CPLANE1: variants seen among roughly 807,000 people sequenced by gnomAD.
CPLANE1 encodes the protein ciliogenesis and planar polarity effector complex subunit 1.
CPLANE1 carries 263 observed loss-of-function variants against 362.5 expected under a neutral mutation model. The observed-to-expected ratio is 0.73, with a 90% confidence interval of 0.66 to 0.80. The LOEUF is 0.80. Ranked by LOEUF, CPLANE1 falls within the 30% of genes least tolerant of loss-of-function variation. The pLI is 0.00. For synonymous variants in CPLANE1, 1,212 were observed against 1,302.6 expected, an observed-to-expected ratio of 0.93 and a Z score of 1.50; for missense variants, 3,461 against 3,793.4, an observed-to-expected ratio of 0.91 and a Z score of 2.30.
At position 37,169,512 on chromosome 5, in the gene CPLANE1, C is replaced by T. The variant is rs377742483; in HGVS notation, c.6512G>A (p.Arg2171Gln). Reference protein sequence around the residue: ...IPLCQLNGQPRKKGPIPSSQN... With the variant: ...IPLCQLNGQPQKKGPIPSSQN... ...AGATGATGGAATTGGTCCTTTTTTCCGGGGCTGGCCATTTAATTGACATAA... is the reference window on the plus strand; with the variant it reads ...AGATGATGGAATTGGTCCTTTTTTCTGGGGCTGGCCATTTAATTGACATAA... Residue 2171 changes from arginine (R) to glutamine (Q), a missense_variant, in exon 34 of 53, where the codon CGG becomes CAG. Arg to Gln is a conservative substitution (Grantham distance 43, BLOSUM62 1). Transcript: ENST00000651892. 8.7e-5 allele frequency: 140 copies of T among 1,613,442 alleles called. No individual in the cohort carries two copies. The East Asian group carries it at 2.3e-3, about 27-fold the overall frequency.
Position 37,170,146 on chromosome 5 carries a change from A to C in CPLANE1, c.6357T>G (p.Ile2119Met). The change falls in exon 33 of 53, where the codon ATT becomes ATG. Residue 2119 changes from isoleucine (I) to methionine (M), a missense_variant. Around this residue, in one of 2 missense-constraint regions of CPLANE1, gnomAD observed 3,380 missense variants for 3,666.1 expected, o/e 0.92. Transcript: ENST00000651892. Reference protein sequence around the residue: ...SNKNLKERFFIKPQSMGENAR... With the variant: ...SNKNLKERFFMKPQSMGENAR... ...CGTTCTCTCCCATTGACTGTGGTTTAATAAAAAATCTCTCCTTAAGATTTT... is the reference window on the plus strand; with the variant it reads ...CGTTCTCTCCCATTGACTGTGGTTTCATAAAAAATCTCTCCTTAAGATTTT... 1 of 1,614,136 alleles carries C rather than the reference A, an allele frequency of 6.2e-7. No homozygotes were observed. Among genetic ancestry groups the C allele is most frequent in the Non-Finnish European group, 8.5e-7 (1 of 1,180,022 alleles).
chr5:37,223,407 TG>T (rs1795772615), intron 14 of CPLANE1, among the ~76,000 whole-genome samples: 1 of 152,262 alleles, frequency 6.6e-6, no homozygotes, highest in Non-Finnish European at 1.5e-5. Flanking sequence ...AAGGTAAAGT[TG>T]TTTATTTCAG....
rs1554114025 is a variant in CPLANE1, at chr5:37,239,845, C to T, written c.702G>A (p.Trp234Ter). 1 of 1,517,898 alleles carries T rather than the reference C, an allele frequency of 6.6e-7. No individual in the cohort carries two copies. The highest frequency in any genetic ancestry group is 8.9e-7 in the Non-Finnish European group (1 of 1,127,302). The allele number at this position is 1,517,898 out of a possible 1,614,324, so 94.0% of individuals were successfully genotyped here. A position where few individuals can be genotyped will look rare whatever the true frequency, so the allele number is the denominator to read the frequency against. The change falls in exon 7 of 53, where the codon TGG becomes TGA. Residue 234 changes from tryptophan (W) to a stop codon, truncating the protein, a stop_gained. Coordinates refer to ENST00000651892, the MANE Select transcript of CPLANE1 (RefSeq NM_001384732.1). LOFTEE classifies it high-confidence loss of function. ...TACAGAGATGACAGTCTTGTTGAGC[C>T]CAATGAACATGGTATGGCAATGATC... Reference protein sequence around the residue: ...SVRSLPYHVHWAQQDCHLCSL... With the variant: ...SVRSLPYHVH
At chr5:37,190,528 C>T (rs1015081857) in intron 21 of CPLANE1, among the ~76,000 whole-genome samples, 2 of 151,638 alleles carry the variant, frequency 1.3e-5, no homozygotes, top group African/African-American at 4.9e-5. Context: ...CAGTGAGCTA[C>T]GATCACACTA....
At chr5:37,126,489 C>T (rs1323836331) in intron 46 of CPLANE1, among the ~76,000 whole-genome samples, 1 of 152,174 alleles carries the variant, frequency 6.6e-6, no homozygotes, top group African/African-American at 2.4e-5. Context: ...TCTGTCTCCC[C>T]TACCCTCTTT....
At chr5:37,110,556 T>C (rs1446394749) in intron 51 of CPLANE1, among the ~76,000 whole-genome samples, 7 of 152,194 alleles carry the variant, frequency 4.6e-5, no homozygotes, top group Admixed American at 4.6e-4. Context: ...GCTAGAGTAG[T>C]TCCACCTAGC....
Position 37,177,606 on chromosome 5 carries a change from T to C in CPLANE1, c.5900+15A>G, listed in dbSNP as rs780150980. Reference sequence around the variant, plus strand: ...TAACCAGTGACAATCACTGTCATACTTTTTTCCCCCTTACCCTTTTTGTTC... The same window carrying C: ...TAACCAGTGACAATCACTGTCATACCTTTTTCCCCCTTACCCTTTTTGTTC... On this transcript the variant is annotated intron_variant, in intron 30 of 52. Transcript: ENST00000651892. The C allele has an allele frequency of 6.3e-7, 1 of 1,591,928 alleles. No individual in the cohort carries two copies. The highest frequency in any genetic ancestry group is 8.6e-7 in the Non-Finnish European group (1 of 1,162,008).
chr5:37,127,764 C>T (rs563902775), intron 46 of CPLANE1, among the ~76,000 whole-genome samples: 1 of 152,108 alleles, frequency 6.6e-6, no homozygotes, highest in East Asian at 1.9e-4. Flanking sequence ...GATCCGCCCA[C>T]CTTGGCCTCC....
rs1175193491 is a variant in CPLANE1, at chr5:37,226,421, A to G, written c.2174T>C (p.Leu725Ser). The change falls in exon 12 of 53, where the codon TTG (leucine) becomes TCG (serine). Residue 725 changes from leucine (L) to serine (S), a missense_variant. Physicochemically the swap from Leu to Ser is moderately radical, Grantham distance 145. Coordinates refer to ENST00000651892, the MANE Select transcript of CPLANE1 (RefSeq NM_001384732.1). ...AAACATCTGAAAAATAGGTACCACC[A>G]ATGAGTCTTGAGCTGTTATTTTACT... ...DGSKITAQDS[L>S]VVPIFQMFQD... 2 of 1,551,270 alleles carry G rather than the reference A, an allele frequency of 1.3e-6. No individual in the cohort carries two copies. The highest frequency in any genetic ancestry group is 1.7e-4 in the Middle Eastern group (1 of 5,986).
At chr5:37,240,884 A>G (rs1561710744) in intron 6 of CPLANE1, among the ~76,000 whole-genome samples, 1 of 152,256 alleles carries the variant, frequency 6.6e-6, no homozygotes, top group Non-Finnish European at 1.5e-5. Flanking sequence ...ACGTATTTCT[A>G]CATAATGCCA....
At chr5:37,228,760 C>A (rs1797014928) in intron 9 of CPLANE1, among the ~76,000 whole-genome samples, 1 of 151,990 alleles carries the variant, frequency 6.6e-6, no homozygotes, top group African/African-American at 2.4e-5. Context: ...AATTTTGTAA[C>A]ATTTGATTTT....
At chr5:37,247,849 G>A in intron 1 of CPLANE1, 104 bp from the exon 2 acceptor site, 1 of 808,862 alleles carries the variant, frequency 1.2e-6, no homozygotes, top group South Asian at 2.0e-5. Flanking sequence ...CCCAGCTGGA[G>A]TGCAGTGATA....
At chr5:37,208,686 CCA>C (rs139234951) in intron 16 of CPLANE1, among the ~76,000 whole-genome samples, 25,820 of 123,524 alleles carry the variant, frequency 0.21, 2,520 homozygotes, top group East Asian at 0.3. Flanking sequence ...CCCCCCCCCC[CCA>C]AAAAAAAAAA....
At chr5:37,082,367 A>C in the CPLANE1 span, among the ~76,000 whole-genome samples, 5 of 152,220 alleles carry the variant, frequency 3.3e-5, no homozygotes, top group African/African-American at 1.2e-4. Context: ...AAAGACCACA[A>C]ATAGCCAAGG....
chr5:37,103,188 A>G (rs1407472394), downstream of CPLANE1, among the ~76,000 whole-genome samples: 40 of 152,122 alleles, frequency 2.6e-4, no homozygotes, highest in Admixed American at 2.6e-3. Flanking sequence ...TTTGTCAGAA[A>G]CCAGGATTGT....
In CPLANE1 at chr5:37,169,480, A is replaced by G. The variant is rs564998520; in HGVS notation, c.6544T>C (p.Leu2182=). ...GCTGGATAAAACGAAGTGGATGGTA[A>G]GTTTTGAGATGATGGAATTGGTCCT... The part of the protein sequence containing the change: ...KKGPIPSSQN[L]PSTSFYPAPA... Residue 2182 remains leucine, a synonymous_variant, in exon 34 of 53, where the codon TTA becomes CTA. Transcript: ENST00000651892. The G allele has an allele frequency of 1.6e-5, 26 of 1,614,146 alleles. 1 individual carries two copies. The Admixed American group carries it at 4.2e-4, about 26-fold the overall frequency.
In CPLANE1 at chr5:37,245,834, G is replaced by A. The variant is rs200942752; in HGVS notation, c.93C>T (p.Ala31=). 26 of 1,509,294 alleles carry A rather than the reference G, an allele frequency of 1.7e-5. No homozygotes were observed. Among genetic ancestry groups the A allele is most frequent in the African/African-American group, 4.2e-5 (3 of 70,966 alleles). The allele number at this position is 1,509,294 out of a possible 1,614,324, so 93.5% of individuals were successfully genotyped here. A position where few individuals can be genotyped will look rare whatever the true frequency, so the allele number is the denominator to read the frequency against. The change falls in exon 3 of 53, where the codon GCC becomes GCT. Residue 31 remains alanine, a synonymous_variant. Coordinates refer to ENST00000651892, the MANE Select transcript of CPLANE1 (RefSeq NM_001384732.1). ...RVSWLGKEKE[A]VFLLDDKFIN... ...TGAATTTATCATCCAAAAGAAAAAC[G>A]GCTTCTTTTTCCTAAGAGAAGAAAC... is the stretch of plus-strand genomic sequence containing the variant.
rs1358414759 is a variant in CPLANE1, at chr5:37,164,294, C to T, written c.7567G>A (p.Asp2523Asn). 1.2e-6 allele frequency: 2 copies of T among 1,613,076 alleles called. No homozygotes were observed. The highest frequency in any genetic ancestry group is 1.7e-6 in the Non-Finnish European group (2 of 1,179,234). Residue 2523 changes from aspartate to asparagine, a missense_variant, in exon 37 of 53, where the codon GAT becomes AAT. Physicochemically the swap from Asp to Asn is conservative, Grantham distance 23. Around this residue, in one of 2 missense-constraint regions of CPLANE1, gnomAD observed 3,380 missense variants for 3,666.1 expected, o/e 0.92. Coordinates refer to ENST00000651892, the MANE Select transcript of CPLANE1 (RefSeq NM_001384732.1). ...QQEHCGSHPLDDFDVPFEMLQ... is the reference protein window; with the variant it reads ...QQEHCGSHPLNDFDVPFEMLQ... ...ATACCAAAAGGAACGTCGAAGTCAT[C>T]CAAAGGATGGGAACCACAATGTTCT...
chr5:37,213,667 C>G lies in CPLANE1; in HGVS notation c.2812G>C (p.Val938Leu), dbSNP rs1387915213. Residue 938 changes from valine (V) to leucine (L), a missense_variant, in exon 16 of 53, where the codon GTC becomes CTC. Physicochemically the swap from Val to Leu is conservative, Grantham distance 32 (BLOSUM62 1). Transcript: ENST00000651892. ...ATGAAACGAGCCATGGACTGGACGA[C>G]TCTCACTGCTGCCTCAGGATGAACA... ...GGVHPEAAVR[V>L]VQSMARFMAA... 3 of 1,543,652 alleles carry G rather than the reference C, an allele frequency of 1.9e-6. No individual in the cohort carries two copies. The highest frequency in any genetic ancestry group is 2.6e-6 in the Non-Finnish European group (3 of 1,141,864).
Sources: gnomAD v4.1 joint callset for allele counts (sites outside exome capture counted in the v4.1 genomes callset) on GRCh38, gnomAD v4.1.1 for gene constraint, gnomAD v4.1.1 regional missense constraint, MANE v1.5 for transcripts, NCBI Gene and HGNC (gene_info 2026-07-23, HGNC 2026-07-21) for gene names.